The following KCNH8 variants were observed in gnomAD, a reference collection of about 807,000 sequenced individuals.
The protein encoded by KCNH8 is voltage-gated delayed rectifier potassium channel KCNH8.
In KCNH8, 70 loss-of-function variants were observed where a neutral mutation model predicts 103.6. The observed-to-expected ratio is 0.68, with a 90% CI of 0.56 to 0.82. The LOEUF (loss-of-function observed/expected upper bound fraction) is 0.82. Ranked by LOEUF, KCNH8 falls within the 40% of genes least tolerant of loss-of-function variation. KCNH8 has a pLI of 0.00. For missense variants in KCNH8, 1,217 were observed against 1,329.9 expected (o/e 0.92, Z 1.32); for synonymous variants, 498 against 489.4 (o/e 1.02, Z -0.23).
At chr3:19,430,399 C>T (rs1282078346) in intron 7 of KCNH8, among the ~76,000 whole-genome samples, 1 of 151,858 alleles carries the variant, frequency 6.6e-6, no homozygotes, top group Admixed American at 6.6e-5. Context: ...TAGCATGATG[C>T]CTCCAGCTTT....
intron 11 of KCNH8, among the ~76,000 whole-genome samples, chr3:19,510,159 G>A (rs1371435500): frequency 6.6e-6 from 1 of 152,088 alleles, no homozygotes; most frequent in Non-Finnish European, 1.5e-5. Context: ...GGTCCTAGAG[G>A]ATAGGATGAG....
At chr3:19,277,596 C>T (rs2064693074) in intron 2 of KCNH8, among the ~76,000 whole-genome samples, 1 of 151,922 alleles carries the variant, frequency 6.6e-6, no homozygotes, top group Non-Finnish European at 1.5e-5. Flanking sequence ...TATGTTTTAC[C>T]TCAATAAAAA....
At chr3:19,374,675 A>G (rs1218820308) in intron 5 of KCNH8, among the ~76,000 whole-genome samples, 2 of 151,406 alleles carry the variant, frequency 1.3e-5, no homozygotes, top group Admixed American at 6.6e-5. Context: ...TTTGCTGGTT[A>G]GTTGATGCAG....
chr3:19,222,408 A>G (rs557851846), intron 1 of KCNH8, among the ~76,000 whole-genome samples: 1 of 152,348 alleles, frequency 6.6e-6, no homozygotes, highest in Admixed American at 6.5e-5. Flanking sequence ...GATAGCCACA[A>G]TATTCTGAAA....
intron 3 of KCNH8, among the ~76,000 whole-genome samples, chr3:19,291,736 G>A (rs568412873): frequency 6.6e-6 from 1 of 152,286 alleles, no homozygotes; most frequent in East Asian, 1.9e-4. Flanking sequence ...TTGGGGTGGA[G>A]AGTTCTGTAG....
At chr3:19,499,161 A>G (rs1350457279) in intron 11 of KCNH8, among the ~76,000 whole-genome samples, 2 of 152,230 alleles carry the variant, frequency 1.3e-5, no homozygotes, top group South Asian at 2.1e-4. Context: ...CTCAGGAGCC[A>G]ATGCGATCAA....
chr3:19,318,853 G>T (rs1424359957), intron 3 of KCNH8, among the ~76,000 whole-genome samples: 7 of 151,694 alleles, frequency 4.6e-5, no homozygotes, highest in Admixed American at 4.6e-4. Context: ...ATTCTTGCAG[G>T]AGTGAGGTGG....
chr3:19,454,008 C>T (rs2067491400), intron 10 of KCNH8, among the ~76,000 whole-genome samples: 1 of 152,036 alleles, frequency 6.6e-6, no homozygotes, highest in Non-Finnish European at 1.5e-5. Flanking sequence ...CAGTTCTTGT[C>T]TCATCCTCTT....
intron 11 of KCNH8, among the ~76,000 whole-genome samples, chr3:19,469,701 T>G (rs897898865): frequency 2.0e-5 from 3 of 152,172 alleles, no homozygotes; most frequent in African/African-American, 7.2e-5. Flanking sequence ...GTGTTTTGAT[T>G]AGCATCTCCC....
intron 1 of KCNH8, among the ~76,000 whole-genome samples, chr3:19,203,616 A>T (rs2063685121): frequency 6.6e-6 from 1 of 152,048 alleles, no homozygotes. Flanking sequence ...AAAAAGCAAA[A>T]ATAATATCAC....
intron 2 of KCNH8, among the ~76,000 whole-genome samples, chr3:19,254,828 G>T (rs1036725369): frequency 1.3e-5 from 2 of 152,030 alleles, no homozygotes; most frequent in African/African-American, 4.8e-5. Context: ...ATTAGGTTGG[G>T]CTTGTAACTA....
chr3:19,316,581 C>A (rs1348482129), intron 3 of KCNH8, among the ~76,000 whole-genome samples: 1 of 151,866 alleles, frequency 6.6e-6, no homozygotes, highest in African/African-American at 2.4e-5. Flanking sequence ...TAAAGCAATC[C>A]TCCAAAAAGG....
chr3:19,149,548 G>C (rs566253372), intron 1 of KCNH8, among the ~76,000 whole-genome samples: 3 of 152,068 alleles, frequency 2.0e-5, no homozygotes, highest in African/African-American at 7.2e-5. Context: ...GCTAGCAGAC[G>C]GTTCGTTATC....
intron 14 of KCNH8, among the ~76,000 whole-genome samples, chr3:19,517,778 G>C (rs1012329269): frequency 6.6e-6 from 1 of 151,958 alleles, no homozygotes; most frequent in African/African-American, 2.4e-5. Flanking sequence ...CAGTCACTGT[G>C]GGTGCAATCA....
chr3:19,343,349 A>G (rs1316332421), intron 4 of KCNH8, among the ~76,000 whole-genome samples: 1 of 152,118 alleles, frequency 6.6e-6, no homozygotes, highest in Non-Finnish European at 1.5e-5. Context: ...CTATGCCTGT[A>G]TAAGGAGTTT....
intron 1 of KCNH8, among the ~76,000 whole-genome samples, chr3:19,208,463 A>G (rs1575437743): frequency 6.6e-6 from 1 of 152,138 alleles, no homozygotes; most frequent in East Asian, 1.9e-4. Flanking sequence ...ATTTGGATAT[A>G]TGTTTTCAAC....
chr3:19,211,418 T>C, intron 1 of KCNH8, among the ~76,000 whole-genome samples: 1 of 152,076 alleles, frequency 6.6e-6, no homozygotes, highest in Non-Finnish European at 1.5e-5. Flanking sequence ...TGTGAAGGAT[T>C]GGGATAAACT....
chr3:19,331,431 A>C (rs2065507159), intron 3 of KCNH8, among the ~76,000 whole-genome samples: 1 of 151,844 alleles, frequency 6.6e-6, no homozygotes, highest in South Asian at 2.1e-4. Flanking sequence ...AGCTGGGCCT[A>C]CAGGTGTGTG....
chr3:19,236,323 C>T (rs1481274601), intron 1 of KCNH8, among the ~76,000 whole-genome samples: 1 of 152,174 alleles, frequency 6.6e-6, no homozygotes, highest in African/African-American at 2.4e-5. Flanking sequence ...ACAACAGAGA[C>T]AACAAAAATG....
Sources: allele counts gnomAD v4.1 joint callset (sites outside exome capture counted in the v4.1 genomes callset), GRCh38; gene constraint gnomAD v4.1.1; transcripts MANE v1.5; gene names NCBI Gene and HGNC (gene_info 2026-07-23, HGNC 2026-07-21).